The following IYD variants were observed in gnomAD, a reference collection of about 807,000 sequenced individuals.
The protein encoded by IYD is iodotyrosine deiodinase 1.
A neutral mutation model predicts 28.4 loss-of-function variants in IYD; 25 were observed. The ratio of observed to expected loss-of-function variants is 0.88; its 90% CI spans 0.64 to 1.23. IYD has a LOEUF of 1.23. Ranked by LOEUF, IYD falls within the 50% of genes most tolerant of loss-of-function variation. The pLI is 0.00. For synonymous variants in IYD, 140 were observed against 130.8 expected, an observed-to-expected ratio of 1.07 and a Z score of -0.48; for missense variants, 352 against 357.9, an observed-to-expected ratio of 0.98 and a Z score of 0.13.
At chr6:150,392,252 A>C in intron 2 of IYD, 93 bp from the exon 3 acceptor site, 1 of 1,599,268 alleles carries the variant, frequency 6.3e-7, no homozygotes, top group Non-Finnish European at 8.5e-7. Context: ...AGCCTCCCAA[A>C]GTGCTTGGAC....
chr6:150,404,933 T>C lies in IYD; in HGVS notation c.*6696T>C, dbSNP rs1310338384. 6.6e-6 allele frequency: 1 copy of C among 152,222 alleles called. No homozygotes were observed. The highest frequency in any genetic ancestry group is 2.4e-5 in the African/African-American group (1 of 41,452). The allele number at this position is 152,222 out of a possible 1,614,324, so 9.4% of individuals were successfully genotyped here. A position where few individuals can be genotyped will look rare whatever the true frequency, so the allele number is the denominator to read the frequency against. On this transcript the variant is annotated 3_prime_UTR_variant, in exon 5 of 5. Transcript: ENST00000344419. ...AAAGTCTCAGTGGTTCTCTTGGTCTTTCTTCATAACCACCGGATGCTGTTA... is the reference window on the plus strand; with the variant it reads ...AAAGTCTCAGTGGTTCTCTTGGTCTCTCTTCATAACCACCGGATGCTGTTA...
Position 150,403,889 on chromosome 6 carries a change from TCATA to T in IYD, c.*5653_*5656del, listed in dbSNP as rs1778577543. On this transcript the variant is annotated 3_prime_UTR_variant, in exon 5 of 5. Transcript: ENST00000344419. ...CAAGTAAACGCAAAAGCCAATGAGA[TCATA>T]AAGGAAGTTGTTAGCTAACCTAGGT... 1.3e-5 allele frequency: 2 copies of T among 152,296 alleles called. No individual in the cohort carries two copies. The highest frequency in any genetic ancestry group is 3.9e-4 in the East Asian group (2 of 5,186). The allele number at this position is 152,296 out of a possible 1,614,324, so 9.4% of individuals were successfully genotyped here.
At chr6:150,373,994 A>G (rs1339105) in intron 1 of IYD, among the ~76,000 whole-genome samples, 23,643 of 152,196 alleles carry the variant, frequency 0.16, 3,688 homozygotes, top group African/African-American at 0.39. Flanking sequence ...TGTTCTTGAG[A>G]TCAAGTCTGG....
intron 4 of IYD, chr6:150,395,544 G>A (rs1778281625): frequency 1.3e-6 from 2 of 1,537,210 alleles, no homozygotes; most frequent in East Asian, 2.4e-5. Flanking sequence ...CCTGCAGCAA[G>A]CTCAGCTCAC....
chr6:150,376,014 G>A (rs1045327996), intron 1 of IYD, among the ~76,000 whole-genome samples: 21 of 152,188 alleles, frequency 1.4e-4, no homozygotes, highest in African/African-American at 5.1e-4. Context: ...TGCTAAATGT[G>A]AAAAGATAGA....
chr6:150,388,014 G>GTGTC lies in IYD; in HGVS notation c.179-1337_179-1336insGTCT, dbSNP rs944701466. Among the ~76,000 whole-genome samples the GTGTC allele has an allele frequency of 4.3e-4, 66 of 152,008 alleles. 1 individual carries two copies. The highest frequency in any genetic ancestry group is 1.9e-4 in the Non-Finnish European group (13 of 67,992). On this transcript the variant is annotated intron_variant, in intron 1 of 4. Coordinates refer to ENST00000344419, the MANE Select transcript of IYD (RefSeq NM_203395.3). ...TTATTTTTTTAAAATTGATTCTGCT[G>GTGTC]TTTCTTGTCCAATATGTTTTCTTCT...
In IYD at chr6:150,404,380, G is replaced by A. The variant is rs1283024254; in HGVS notation, c.*6143G>A. The stretch of plus-strand genomic sequence containing the variant: ...GAAATGTGAAATTGATTTTACGTTT[G>A]TGATTTGAAGTTGAAAGGTATAAGA... On this transcript the variant is annotated 3_prime_UTR_variant, in exon 5 of 5. Coordinates refer to ENST00000344419, the MANE Select transcript of IYD (RefSeq NM_203395.3). 6.6e-6 allele frequency: 1 copy of A among 152,170 alleles called. No homozygotes were observed. The highest frequency in any genetic ancestry group is 1.9e-4 in the East Asian group (1 of 5,202). The allele number at this position is 152,170 out of a possible 1,614,324, so 9.4% of individuals were successfully genotyped here. A position where few individuals can be genotyped will look rare whatever the true frequency, so the allele number is the denominator to read the frequency against.
At chr6:150,373,761 A>G (rs1777352982) in intron 1 of IYD, among the ~76,000 whole-genome samples, 2 of 152,068 alleles carry the variant, frequency 1.3e-5, no homozygotes, top group Non-Finnish European at 2.9e-5. Context: ...TCAGCATTCT[A>G]CTCTGCTCAG....
chr6:150,380,428 A>C (rs1453687053), intron 1 of IYD, among the ~76,000 whole-genome samples: 1 of 152,210 alleles, frequency 6.6e-6, no homozygotes, highest in Non-Finnish European at 1.5e-5. Context: ...TATAAAACAG[A>C]TCAACTTTAG....
intron 1 of IYD, among the ~76,000 whole-genome samples, 156 bp downstream of exon 1, chr6:150,369,365 G>C (rs1464766196): frequency 6.6e-6 from 1 of 151,818 alleles, no homozygotes. Context: ...GGCACAGACA[G>C]GTCATCTCTC....
At chr6:150,382,910 C>T (rs1419966014) in intron 1 of IYD, among the ~76,000 whole-genome samples, 1 of 152,194 alleles carries the variant, frequency 6.6e-6, no homozygotes, top group Non-Finnish European at 1.5e-5. Context: ...CTGATAACTC[C>T]AGTATCATAA....
intron 1 of IYD, chr6:150,370,567 CT>C: frequency 1.0e-6 from 1 of 985,404 alleles, no homozygotes; most frequent in Non-Finnish European, 1.2e-6. Flanking sequence ...AGGGCTGCCT[CT>C]TGCTCTCCTA....
intron 1 of IYD, among the ~76,000 whole-genome samples, chr6:150,374,423 T>C (rs1463063984): frequency 6.6e-6 from 1 of 152,214 alleles, no homozygotes; most frequent in Non-Finnish European, 1.5e-5. Flanking sequence ...GATAAAGACA[T>C]ACCTGAGACT....
intron 1 of IYD, among the ~76,000 whole-genome samples, chr6:150,381,283 T>A (rs918185171): frequency 4.6e-5 from 7 of 152,212 alleles, no homozygotes; most frequent in African/African-American, 1.7e-4. Flanking sequence ...AGGATCTAAG[T>A]TTCCACTGTA....
At position 150,392,480 on chromosome 6, in the gene IYD, G is replaced by A. The variant is rs761542036; in HGVS notation, c.506G>A (p.Trp169Ter). ...TACATGAAAAGGATGGGACATCGCTGGGTCACAGACCTCAAGAAACTGAGG... is the reference window on the plus strand; with the variant it reads ...TACATGAAAAGGATGGGACATCGCTAGGTCACAGACCTCAAGAAACTGAGG... Reference protein sequence around the residue: ...INYMKRMGHRWVTDLKKLRTN... With the variant: ...INYMKRMGHR The change falls in exon 3 of 5, where the codon TGG (tryptophan) becomes TAG (stop). Residue 169 changes from tryptophan to a stop codon, truncating the protein, a stop_gained. Transcript: ENST00000344419. LOFTEE classifies it high-confidence loss of function. 3.7e-6 allele frequency: 6 copies of A among 1,613,924 alleles called. No individual in the cohort carries two copies. Among genetic ancestry groups the A allele is most frequent in the Non-Finnish European group, 5.1e-6 (6 of 1,179,910 alleles).
At position 150,404,273 on chromosome 6, in the gene IYD, T is replaced by G. The variant is rs115817957; in HGVS notation, c.*6036T>G. ...CAATAATTCAAATCCATAATATTGA[T>G]ACTTTCATGTTAAGTTTAGGACTAA... On this transcript the variant is annotated 3_prime_UTR_variant, in exon 5 of 5. Coordinates refer to ENST00000344419, the MANE Select transcript of IYD (RefSeq NM_203395.3). The G allele has an allele frequency of 6.6e-6, 1 of 152,248 alleles. No individual in the cohort carries two copies. Among genetic ancestry groups the G allele is most frequent in the African/African-American group, 2.4e-5 (1 of 41,470 alleles). The allele number at this position is 152,248 out of a possible 1,614,324, so 9.4% of individuals were successfully genotyped here. A position where few individuals can be genotyped will look rare whatever the true frequency, so the allele number is the denominator to read the frequency against.
chr6:150,377,098 G>A (rs1777471016), intron 1 of IYD, among the ~76,000 whole-genome samples: 1 of 152,068 alleles, frequency 6.6e-6, no homozygotes, highest in Non-Finnish European at 1.5e-5. Context: ...AGTATTTTAG[G>A]GTATTGTTTG....
Position 150,398,966 on chromosome 6 carries a change from T to A in IYD, c.*729T>A, listed in dbSNP as rs962748867. On this transcript the variant is annotated 3_prime_UTR_variant, in exon 5 of 5. Coordinates refer to ENST00000344419, the MANE Select transcript of IYD (RefSeq NM_203395.3). The stretch of plus-strand genomic sequence containing the variant: ...AAGAGAACTGCTTGAATCCGGGAGG[T>A]AGAGATTGCAGTGAGTCAAGATGCT... The A allele has an allele frequency of 1.6e-4, 25 of 151,876 alleles. No homozygotes were observed. The highest frequency in any genetic ancestry group is 5.3e-4 in the African/African-American group (22 of 41,300). 9.4% of individuals were successfully genotyped at this position (151,876 alleles called of 1,614,324 possible).
intron 1 of IYD, among the ~76,000 whole-genome samples, chr6:150,377,563 G>A (rs945484517): frequency 2.6e-5 from 4 of 152,166 alleles, no homozygotes; most frequent in Non-Finnish European, 5.9e-5. Context: ...CCCTAGTCAG[G>A]GATAATGGTT....
Sources: allele counts gnomAD v4.1 joint callset (sites outside exome capture counted in the v4.1 genomes callset), GRCh38; gene constraint gnomAD v4.1.1; transcripts MANE v1.5; gene names NCBI Gene and HGNC (gene_info 2026-07-23, HGNC 2026-07-21).